The following CNTN5 variants were observed in gnomAD, a reference collection of about 807,000 sequenced individuals.
CNTN5 encodes contactin 5, also known as contactin-5.
A neutral mutation model predicts 129.1 loss-of-function variants in CNTN5; 77 were observed. The observed-to-expected ratio is 0.60, with a 90% CI of 0.50 to 0.72. The LOEUF (loss-of-function observed/expected upper bound fraction) is 0.72. Among genes scored for constraint, CNTN5 ranks in the 30% least tolerant of loss-of-function variants. The pLI is 0.00. For synonymous variants in CNTN5, 509 were observed against 465.6 expected, an observed-to-expected ratio of 1.09 and a Z score of -1.20; for missense variants, 1,478 against 1,328.8, an observed-to-expected ratio of 1.11 and a Z score of -1.75.
At chr11:99,709,024 G>C (rs1235170515) in intron 3 of CNTN5, among the ~76,000 whole-genome samples, 1 of 151,736 alleles carries the variant, frequency 6.6e-6, no homozygotes, top group Non-Finnish European at 1.5e-5. Flanking sequence ...ACGCAAAGCT[G>C]TTTTTGCCAT....
intron 3 of CNTN5, among the ~76,000 whole-genome samples, chr11:99,561,498 T>G (rs762177935): frequency 2.0e-5 from 3 of 152,284 alleles, no homozygotes; most frequent in African/African-American, 7.2e-5. Context: ...ATCTCTTTTC[T>G]TAAGTATTCG....
intron 1 of CNTN5, among the ~76,000 whole-genome samples, chr11:99,082,334 G>A (rs781143852): frequency 6.6e-6 from 1 of 152,038 alleles, no homozygotes; most frequent in Non-Finnish European, 1.5e-5. Context: ...ACAGGCGCAT[G>A]CCACCATGCC....
intron 2 of CNTN5, among the ~76,000 whole-genome samples, chr11:99,399,578 A>T (rs942846581): frequency 2.0e-5 from 3 of 147,204 alleles, no homozygotes; most frequent in African/African-American, 7.5e-5. Flanking sequence ...CTTTGTAGTT[A>T]TATATGCAAT....
intron 1 of CNTN5, among the ~76,000 whole-genome samples, chr11:99,267,920 GCACACACACACA>G (rs141288502): frequency 0.015 from 2,126 of 140,534 alleles, 22 homozygotes; most frequent in African/African-American, 0.028. Context: ...ACACACACAC[GCACACACACACA>G]CACACACACA....
intron 3 of CNTN5, among the ~76,000 whole-genome samples, chr11:99,807,457 T>C (rs1342640441): frequency 6.6e-6 from 1 of 152,170 alleles, no homozygotes. Context: ...TTGAAATATA[T>C]AATTAATTAA....
chr11:99,973,136 T>G (rs1462096586), intron 8 of CNTN5, among the ~76,000 whole-genome samples: 1 of 152,174 alleles, frequency 6.6e-6, no homozygotes, highest in Non-Finnish European at 1.5e-5. Flanking sequence ...CCTTAGATAT[T>G]CTGATGCAGT....
At chr11:99,215,663 A>G (rs1294126134) in intron 1 of CNTN5, among the ~76,000 whole-genome samples, 1 of 152,156 alleles carries the variant, frequency 6.6e-6, no homozygotes, top group East Asian at 1.9e-4. Flanking sequence ...CTAACAGAAA[A>G]CCTATTTCCC....
chr11:100,285,437 A>C (rs1950757786), intron 18 of CNTN5, among the ~76,000 whole-genome samples: 1 of 152,146 alleles, frequency 6.6e-6, no homozygotes, highest in South Asian at 2.1e-4. Flanking sequence ...CACTCCACAG[A>C]GCATGCATGC....
At chr11:100,234,888 C>G (rs1050981906) in intron 16 of CNTN5, among the ~76,000 whole-genome samples, 6 of 149,704 alleles carry the variant, frequency 4.0e-5, no homozygotes, top group African/African-American at 7.3e-5. Flanking sequence ...TCTGCATAAT[C>G]TCTTCTCATT....
At chr11:100,120,957 T>C (rs977547401) in intron 13 of CNTN5, among the ~76,000 whole-genome samples, 1 of 152,120 alleles carries the variant, frequency 6.6e-6, no homozygotes, top group Middle Eastern at 3.4e-3. Flanking sequence ...TTTCCAGTAC[T>C]GTAGGGGTGA....
At chr11:99,168,296 G>T (rs1860974607) in intron 1 of CNTN5, among the ~76,000 whole-genome samples, 1 of 151,958 alleles carries the variant, frequency 6.6e-6, no homozygotes, top group Non-Finnish European at 1.5e-5. Context: ...GGGTGTGATG[G>T]CTCACGCCTG....
chr11:99,857,977 T>C (rs577571634), intron 6 of CNTN5, among the ~76,000 whole-genome samples: 5 of 152,274 alleles, frequency 3.3e-5, no homozygotes, highest in Admixed American at 2.0e-4. Context: ...AATGTTATTC[T>C]GTTTGAATTG....
chr11:99,816,152 G>A (rs756982291), intron 3 of CNTN5, among the ~76,000 whole-genome samples: 5 of 152,008 alleles, frequency 3.3e-5, no homozygotes, highest in South Asian at 2.1e-4. Context: ...AAAGACTTTC[G>A]CTTCCTTTCA....
At chr11:100,001,898 A>G (rs72994870) in intron 8 of CNTN5, 136 bp from the exon 9 acceptor site, 41,444 of 638,358 alleles carry the variant, frequency 0.065, 1,552 homozygotes, top group Non-Finnish European at 0.078. Flanking sequence ...ACTTATTTCA[A>G]TACATCGAAA....
chr11:99,834,687 C>T (rs1253399218), intron 4 of CNTN5, among the ~76,000 whole-genome samples: 3 of 152,104 alleles, frequency 2.0e-5, no homozygotes, highest in Non-Finnish European at 4.4e-5. Flanking sequence ...ACTTTGAGAA[C>T]TGCTAGATGG....
chr11:100,237,147 G>C (rs553490033), intron 16 of CNTN5, among the ~76,000 whole-genome samples: 9 of 140,858 alleles, frequency 6.4e-5, no homozygotes, highest in East Asian at 2.1e-4. Context: ...CGAGATCACA[G>C]CACTGCACTC....
intron 21 of CNTN5, among the ~76,000 whole-genome samples, chr11:100,323,209 A>G (rs1023713266): frequency 5.3e-5 from 8 of 152,216 alleles, no homozygotes; most frequent in African/African-American, 1.7e-4. Context: ...TCCAATGTTT[A>G]TCTCTGAGCA....
chr11:99,430,518 A>G (rs10893315), intron 2 of CNTN5, among the ~76,000 whole-genome samples: 8 of 149,476 alleles, frequency 5.4e-5, no homozygotes, highest in Admixed American at 2.0e-4. Flanking sequence ...TTCTCTCTCT[A>G]TATATATATA....
intron 18 of CNTN5, among the ~76,000 whole-genome samples, chr11:100,291,255 TG>T (rs1340067818): frequency 1.3e-5 from 2 of 151,704 alleles, no homozygotes; most frequent in African/African-American, 4.8e-5. Flanking sequence ...ATCCCATTAC[TG>T]GGTATATACC....
Sources: gnomAD v4.1 joint callset for allele counts (sites outside exome capture counted in the v4.1 genomes callset) on GRCh38, gnomAD v4.1.1 for gene constraint, MANE v1.5 for transcripts, NCBI Gene and HGNC (gene_info 2026-07-23, HGNC 2026-07-21) for gene names.